Variants in NTN1 observed in about 807,000 individuals in gnomAD.
NTN1 encodes netrin-1.
Under a neutral mutation model 54.2 loss-of-function variants are expected in NTN1, and 11 were observed. That is an observed-to-expected ratio of 0.20 (90% CI 0.13 to 0.34). NTN1 has a LOEUF of 0.34. Among genes scored for constraint, NTN1 ranks in the 10% least tolerant of loss-of-function variants. The probability of loss-of-function intolerance (pLI) is 1.00; values close to 1 mark genes in which losing one functional copy is unlikely to be tolerated. For synonymous variants in NTN1, 371 were observed against 382.0 expected (o/e 0.97, Z 0.33); for missense variants, 740 against 893.1 (o/e 0.83, Z 2.18).
chr17:9,181,044 A>T (rs1224187350), intron 4 of NTN1, among the ~76,000 whole-genome samples: 1 of 152,172 alleles, frequency 6.6e-6, no homozygotes, highest in Non-Finnish European at 1.5e-5. Context: ...AATGGTTGGA[A>T]CCAACATTTC....
intron 2 of NTN1, among the ~76,000 whole-genome samples, chr17:9,156,406 A>G (rs1169638555): frequency 6.6e-6 from 1 of 152,144 alleles, no homozygotes; most frequent in African/African-American, 2.4e-5. Flanking sequence ...CCATCACCAA[A>G]TGGCCTTCCT....
intron 2 of NTN1, among the ~76,000 whole-genome samples, chr17:9,119,894 T>A (rs941919069): frequency 2.0e-5 from 3 of 152,170 alleles, no homozygotes; most frequent in African/African-American, 7.2e-5. Context: ...GTTGAGCATC[T>A]TTTCACAGGC....
chr17:9,021,817 G>C (rs1461082832), intron 1 of NTN1, among the ~76,000 whole-genome samples: 5 of 152,044 alleles, frequency 3.3e-5, no homozygotes, highest in Non-Finnish European at 7.4e-5. Flanking sequence ...ACCGGCGCGC[G>C]GGCTCCCCGG....
At chr17:9,038,826 A>G (rs1453204704) in intron 2 of NTN1, among the ~76,000 whole-genome samples, 1 of 152,072 alleles carries the variant, frequency 6.6e-6, no homozygotes, top group African/African-American at 2.4e-5. Context: ...TTCATCTAGT[A>G]TTTCTAGATG....
At chr17:9,136,988 T>C (rs1426768020) in intron 2 of NTN1, among the ~76,000 whole-genome samples, 3 of 152,206 alleles carry the variant, frequency 2.0e-5, no homozygotes, top group African/African-American at 7.2e-5. Flanking sequence ...ATACAGAAGT[T>C]GACTCCTCTC....
chr17:9,224,337 C>T (rs1905462762), intron 6 of NTN1, among the ~76,000 whole-genome samples: 1 of 152,200 alleles, frequency 6.6e-6, no homozygotes, highest in Non-Finnish European at 1.5e-5. Flanking sequence ...TGCGCCCTGC[C>T]CTGTTGTGGC....
intron 2 of NTN1, among the ~76,000 whole-genome samples, chr17:9,137,775 C>G (rs538849638): frequency 4.1e-4 from 62 of 151,266 alleles, no homozygotes; most frequent in Non-Finnish European, 8.0e-4. Context: ...GTCTAGGTGA[C>G]AGAGCAAGAC....
chr17:9,061,017 G>T (rs1243860795), intron 2 of NTN1, among the ~76,000 whole-genome samples: 1 of 150,306 alleles, frequency 6.7e-6, no homozygotes, highest in African/African-American at 2.4e-5. Context: ...TTAGGATGAA[G>T]GTATAATTTA....
intron 2 of NTN1, among the ~76,000 whole-genome samples, chr17:9,067,892 A>G (rs2092020306): frequency 6.6e-6 from 1 of 152,142 alleles, no homozygotes; most frequent in African/African-American, 2.4e-5. Context: ...AAACTCACAC[A>G]TTAGCCTCTG....
intron 2 of NTN1, among the ~76,000 whole-genome samples, chr17:9,033,243 C>T (rs142444925): frequency 0.01 from 1,558 of 152,172 alleles, 20 homozygotes; most frequent in African/African-American, 0.036. Context: ...TGTGAGCCAC[C>T]GTGCCCGGCC....
upstream of NTN1, among the ~76,000 whole-genome samples, chr17:9,019,267 G>A (rs936520076): frequency 6.6e-6 from 1 of 152,214 alleles, no homozygotes; most frequent in South Asian, 2.1e-4. Flanking sequence ...TCATTATTCC[G>A]AGATAACCAC....
intron 2 of NTN1, among the ~76,000 whole-genome samples, chr17:9,032,407 A>G (rs16957817): frequency 0.059 from 9,029 of 152,216 alleles, 426 homozygotes; most frequent in African/African-American, 0.13. Context: ...CACTGTCCCT[A>G]CACTCAAAAG....
intron 2 of NTN1, among the ~76,000 whole-genome samples, chr17:9,152,506 C>T (rs1345741809): frequency 1.3e-5 from 2 of 152,142 alleles, no homozygotes; most frequent in African/African-American, 4.8e-5. Context: ...GGTCATCCCG[C>T]CACCACCCCA....
chr17:9,064,307 C>T (rs951704909), intron 2 of NTN1, among the ~76,000 whole-genome samples: 1 of 152,184 alleles, frequency 6.6e-6, no homozygotes, highest in Non-Finnish European at 1.5e-5. Context: ...TTCTCCCTTC[C>T]CTGTACACAT....
chr17:9,237,162 A>T (rs911317516), intron 6 of NTN1, among the ~76,000 whole-genome samples: 3 of 152,188 alleles, frequency 2.0e-5, no homozygotes, highest in African/African-American at 7.2e-5. Context: ...GGCTGAAACC[A>T]CAGAAATGTA....
intron 2 of NTN1, among the ~76,000 whole-genome samples, chr17:9,114,544 G>A (rs908798357): frequency 1.3e-5 from 2 of 151,838 alleles, no homozygotes; most frequent in African/African-American, 4.8e-5. Flanking sequence ...CCTGAGGTCA[G>A]GAGTTCGAGA....
chr17:9,063,185 C>T (rs1367144815), intron 2 of NTN1, among the ~76,000 whole-genome samples: 1 of 149,192 alleles, frequency 6.7e-6, no homozygotes, highest in Non-Finnish European at 1.5e-5. Context: ...CAACCTCCAC[C>T]TCCCGGGTTC....
intron 2 of NTN1, among the ~76,000 whole-genome samples, chr17:9,127,261 C>T (rs973336886): frequency 8.5e-5 from 13 of 152,164 alleles, no homozygotes; most frequent in South Asian, 2.1e-4. Flanking sequence ...TGGGAGATGA[C>T]GGGGGCTTGG....
At chr17:9,048,723 C>T (rs1485436332) in intron 2 of NTN1, among the ~76,000 whole-genome samples, 3 of 151,808 alleles carry the variant, frequency 2.0e-5, no homozygotes, top group Non-Finnish European at 4.4e-5. Flanking sequence ...GTGGCGCAAT[C>T]TTGGCTCATT....
Sources: gnomAD v4.1 joint callset for allele counts (sites outside exome capture counted in the v4.1 genomes callset) on GRCh38, gnomAD v4.1.1 for gene constraint, MANE v1.5 for transcripts, NCBI Gene and HGNC (gene_info 2026-07-23, HGNC 2026-07-21) for gene names.